Variants in WNT16 observed in about 807,000 individuals in gnomAD.
WNT16 encodes Wnt family member 16.
WNT16 carries 20 observed loss-of-function variants against 35.4 expected under a neutral mutation model. That is an observed-to-expected ratio of 0.56 (90% CI 0.40 to 0.82). The LOEUF (loss-of-function observed/expected upper bound fraction) is 0.82, where lower values mean the gene tolerates loss of function less well. Among genes scored for constraint, WNT16 ranks in the 40% least tolerant of loss-of-function variants. The pLI is 0.00. For missense variants in WNT16, 461 were observed against 466.0 expected, an observed-to-expected ratio of 0.99 and a Z score of 0.10; for synonymous variants, 180 against 179.2, an observed-to-expected ratio of 1.00 and a Z score of -0.03.
In WNT16 at chr7:121,329,262, C is replaced by T. The variant is rs1307382115; in HGVS notation, c.-31C>T. ...CTGGGGAGGGGGTGCAAAAGAGGAGCGGCTGGGCTGGGGGACTCCATGCGG... is the reference window on the plus strand; with the variant it reads ...CTGGGGAGGGGGTGCAAAAGAGGAGTGGCTGGGCTGGGGGACTCCATGCGG... On this transcript the variant is annotated 5_prime_UTR_variant, in exon 1 of 4. Coordinates refer to ENST00000222462, the MANE Select transcript of WNT16 (RefSeq NM_057168.2). The T allele has an allele frequency of 1.3e-6, 2 of 1,513,346 alleles. No homozygotes were observed. Among genetic ancestry groups the T allele is most frequent in the Admixed American group, 4.4e-5 (2 of 45,018 alleles). 93.7% of individuals were successfully genotyped at this position (1,513,346 alleles called of 1,614,324 possible).
Position 121,340,390 on chromosome 7 carries a change from T to C in WNT16, c.*1045T>C, listed in dbSNP as rs1793513120. On this transcript the variant is annotated 3_prime_UTR_variant, in exon 4 of 4. Coordinates refer to ENST00000222462, the MANE Select transcript of WNT16 (RefSeq NM_057168.2). ...CAGTAAAATTATCTCATAAATAATA[T>C]TAGCTTATTTTTTTTCATACTATTA... 1 of 152,084 alleles carries C rather than the reference T, an allele frequency of 6.6e-6. No individual in the cohort carries two copies. The highest frequency in any genetic ancestry group is 2.4e-5 in the African/African-American group (1 of 41,410). The allele number at this position is 152,084 out of a possible 1,614,324, so 9.4% of individuals were successfully genotyped here.
chr7:121,325,674 C>T (rs1028548134), upstream of WNT16, among the ~76,000 whole-genome samples: 2 of 151,870 alleles, frequency 1.3e-5, no homozygotes, highest in African/African-American at 4.8e-5. Flanking sequence ...TAACACCTAA[C>T]ATATCTCTCT....
At chr7:121,337,485 G>C (rs1290794854) in intron 3 of WNT16, among the ~76,000 whole-genome samples, 1 of 152,188 alleles carries the variant, frequency 6.6e-6, no homozygotes, top group Non-Finnish European at 1.5e-5. Flanking sequence ...TTTAAACTGT[G>C]AGGTTTTTCC....
upstream of WNT16, among the ~76,000 whole-genome samples, chr7:121,326,038 CAA>C (rs386411143): frequency 2.6e-4 from 6 of 23,086 alleles, no homozygotes; most frequent in Non-Finnish European, 3.6e-4. Context: ...TACCTCATCT[CAA>C]AAAAAAAAAA....
intron 2 of WNT16, among the ~76,000 whole-genome samples, chr7:121,330,466 G>C (rs779731812): frequency 1.3e-5 from 2 of 152,182 alleles, no homozygotes; most frequent in African/African-American, 4.8e-5. Context: ...ACTTCCACGT[G>C]CGTAGTGACT....
intron 3 of WNT16, among the ~76,000 whole-genome samples, chr7:121,336,009 T>C (rs1344870459): frequency 6.6e-6 from 1 of 151,312 alleles, no homozygotes; most frequent in African/African-American, 2.4e-5. Flanking sequence ...TGTGTGTGTG[T>C]GTGTGTGTGT....
In WNT16 at chr7:121,340,658, A is replaced by G. The variant is rs1793518313; in HGVS notation, c.*1313A>G. On this transcript the variant is annotated 3_prime_UTR_variant, in exon 4 of 4. Transcript: ENST00000222462. The stretch of plus-strand genomic sequence containing the variant: ...GTCTTAACTGGAAAAAAGAATCTAA[A>G]TCAGAATAGTGATCAATTTGTGGAT... 1 of 152,358 alleles carries G rather than the reference A, an allele frequency of 6.6e-6. No individual in the cohort carries two copies. The highest frequency in any genetic ancestry group is 2.4e-5 in the African/African-American group (1 of 41,462). 9.4% of individuals were successfully genotyped at this position (152,358 alleles called of 1,614,324 possible).
At chr7:121,328,974 G>T, upstream of WNT16, 1 of 1,066,604 alleles carries the variant, frequency 9.4e-7, no homozygotes, top group Non-Finnish European at 1.1e-6. Context: ...AGGAGAGGCC[G>T]GGGGCGATGG....
At chr7:121,335,614 A>C (rs548766237) in intron 3 of WNT16, among the ~76,000 whole-genome samples, 1 of 152,218 alleles carries the variant, frequency 6.6e-6, no homozygotes, top group East Asian at 1.9e-4. Flanking sequence ...AATTATGGTG[A>C]TATTGCTGTA....
At position 121,329,302 on chromosome 7, in the gene WNT16, GC is replaced by G; in HGVS notation, c.11del (p.Ala4GlyfsTer49). 1 of 1,576,460 alleles carries G rather than the reference GC, an allele frequency of 6.3e-7. No individual in the cohort carries two copies. Among genetic ancestry groups the G allele is most frequent in the Non-Finnish European group, 8.6e-7 (1 of 1,161,580 alleles). On this transcript the variant is annotated frameshift_variant, in exon 1 of 4. Coordinates refer to ENST00000222462, the MANE Select transcript of WNT16 (RefSeq NM_057168.2). LOFTEE classifies it high-confidence loss of function. MDRAALLGLARLCA... is the reference protein window; with the variant it reads MDRXALLGLARLCA... ...ACTCCATGCGGGGGCGATGGACAGG[GC>G]GGCGCTCCTGGGACTGGCCCGCTTG...
rs775420322 is a variant in WNT16, at chr7:121,329,353, G to C, written c.61G>C (p.Val21Leu). The change falls in exon 1 of 4, where the codon GTG (valine) becomes CTG (leucine). Residue 21 changes from valine to leucine, a missense_variant. Transcript: ENST00000222462. ...GTGCGCGCTGTGGGCAGCCCTGCTC[G>C]TGCTGTTCCCCTACGGAGCCCAAGG... is the stretch of plus-strand genomic sequence containing the variant. The part of the protein sequence containing the change: ...RLCALWAALL[V>L]LFPYGAQGNW... The C allele has an allele frequency of 4.4e-6, 7 of 1,608,120 alleles. No homozygotes were observed. In the Admixed American group the frequency reaches 5.1e-5, roughly 12 times the overall value.
Position 121,339,575 on chromosome 7 carries a change from C to A in WNT16, c.*230C>A, listed in dbSNP as rs1262906420. ...TAATGTTGAAAAGGTTTATATTCAC[C>A]TTTTGATGATTTGGGGAATATATAT... On this transcript the variant is annotated 3_prime_UTR_variant, in exon 4 of 4. Coordinates refer to ENST00000222462, the MANE Select transcript of WNT16 (RefSeq NM_057168.2). The A allele has an allele frequency of 2.0e-6, 1 of 508,854 alleles. No individual in the cohort carries two copies. Among genetic ancestry groups the A allele is most frequent in the Admixed American group, 3.3e-5 (1 of 30,022 alleles). 31.5% of individuals were successfully genotyped at this position (508,854 alleles called of 1,614,324 possible). A position where few individuals can be genotyped will look rare whatever the true frequency, so the allele number is the denominator to read the frequency against.
At position 121,339,267 on chromosome 7, in the gene WNT16, TGA is replaced by T; in HGVS notation, c.1022_1023del (p.Glu341ValfsTer2). On this transcript the variant is annotated frameshift_variant, in exon 4 of 4. Transcript: ENST00000222462. LOFTEE classifies it high-confidence loss of function. ...THVVRHVERC[E>X]CKFIWCCYVR... is the part of the protein sequence containing the mutation. The stretch of plus-strand genomic sequence containing the variant: ...ATGTGGTCAGGCACGTGGAGAGGTG[TGA>T]GTGTAAGTTCATCTGGTGCTGCTAT... 6.2e-7 allele frequency: 1 copy of T among 1,614,134 alleles called. No homozygotes were observed. The highest frequency in any genetic ancestry group is 8.5e-7 in the Non-Finnish European group (1 of 1,180,008).
chr7:121,335,475 G>T (rs980870769), intron 3 of WNT16, among the ~76,000 whole-genome samples: 1 of 152,072 alleles, frequency 6.6e-6, no homozygotes, highest in African/African-American at 2.4e-5. Flanking sequence ...GTTTGCAATA[G>T]TTAACAAAAC....
Position 121,329,329 on chromosome 7 carries a change from T to G in WNT16, c.37T>G (p.Cys13Gly). Residue 13 changes from cysteine (C) to glycine (G), a missense_variant, in exon 1 of 4, where the codon TGC becomes GGC. By Grantham distance (159) the Cys-to-Gly change is radical. Coordinates refer to ENST00000222462, the MANE Select transcript of WNT16 (RefSeq NM_057168.2). ...GGCGCTCCTGGGACTGGCCCGCTTG[T>G]GCGCGCTGTGGGCAGCCCTGCTCGT... ...RAALLGLARL[C>G]ALWAALLVLF... 1 of 1,597,672 alleles carries G rather than the reference T, an allele frequency of 6.3e-7. No individual in the cohort carries two copies. The highest frequency in any genetic ancestry group is 8.5e-7 in the Non-Finnish European group (1 of 1,172,448).
intron 3 of WNT16, among the ~76,000 whole-genome samples, chr7:121,334,085 A>G (rs1207566368): frequency 2.0e-5 from 3 of 151,988 alleles, no homozygotes; most frequent in Non-Finnish European, 4.4e-5. Context: ...ATCCATTTTT[A>G]TTGGCAAAAA....
intron 3 of WNT16, among the ~76,000 whole-genome samples, chr7:121,338,448 A>G (rs1482796981): frequency 6.6e-6 from 1 of 152,150 alleles, no homozygotes; most frequent in Non-Finnish European, 1.5e-5. Flanking sequence ...TGCATATCTC[A>G]CAAGTGATGC....
In WNT16 at chr7:121,331,833, T is replaced by C. The variant is rs1793354125; in HGVS notation, c.502T>C (p.Cys168Arg). ...AAGTGAAGGCTGGCACTGGGGGGGC[T>C]GCTCCGATGATGTCCAGTATGGCAT... Reference protein sequence around the residue: ...SASEGWHWGGCSDDVQYGMWF... With the variant: ...SASEGWHWGGRSDDVQYGMWF... The change falls in exon 3 of 4, where the codon TGC becomes CGC. Residue 168 changes from cysteine (C) to arginine (R), a missense_variant. Coordinates refer to ENST00000222462, the MANE Select transcript of WNT16 (RefSeq NM_057168.2). The C allele has an allele frequency of 6.2e-7, 1 of 1,614,188 alleles. No individual in the cohort carries two copies. The highest frequency in any genetic ancestry group is 2.2e-5 in the East Asian group (1 of 44,876).
At chr7:121,332,000 G>A (rs1793358110) in intron 3 of WNT16, 36 bp downstream of exon 3, 2 of 1,602,380 alleles carry the variant, frequency 1.2e-6, no homozygotes, top group Non-Finnish European at 1.7e-6. Flanking sequence ...AAAACCCAGT[G>A]CTGTTAGGTA....
Sources: allele counts gnomAD v4.1 joint callset (sites outside exome capture counted in the v4.1 genomes callset), GRCh38; gene constraint gnomAD v4.1.1; transcripts MANE v1.5; gene names NCBI Gene and HGNC (gene_info 2026-07-23, HGNC 2026-07-21).